NEGR1: variants seen among roughly 807,000 people sequenced by gnomAD.
The protein encoded by NEGR1 is IgLON family member 4.
A neutral mutation model predicts 40.9 loss-of-function variants in NEGR1; 10 were observed. The observed-to-expected ratio is 0.24, with a 90% CI of 0.15 to 0.42. The LOEUF (loss-of-function observed/expected upper bound fraction) is 0.42, where lower values mean the gene tolerates loss of function less well. Ranked by LOEUF, NEGR1 falls within the 10% of genes least tolerant of loss-of-function variation. NEGR1 has a pLI of 1.00. For missense variants in NEGR1, 352 were observed against 438.9 expected (o/e 0.80, Z 1.77); for synonymous variants, 185 against 166.8 (o/e 1.11, Z -0.84).
intron 1 of NEGR1, among the ~76,000 whole-genome samples, chr1:72,013,660 G>C (rs1471511568): frequency 6.6e-6 from 1 of 151,884 alleles, no homozygotes; most frequent in South Asian, 2.1e-4. Flanking sequence ...ATATTGGAAA[G>C]TATTAATTGA....
intron 1 of NEGR1, among the ~76,000 whole-genome samples, chr1:71,964,026 C>T (rs1032613352): frequency 2.0e-5 from 3 of 152,080 alleles, no homozygotes; most frequent in Non-Finnish European, 2.9e-5. Flanking sequence ...TTTCTGTCCT[C>T]AAAATATACC....
At chr1:71,937,969 T>G (rs1570529117) in intron 1 of NEGR1, among the ~76,000 whole-genome samples, 1 of 152,010 alleles carries the variant, frequency 6.6e-6, no homozygotes, top group South Asian at 2.1e-4. Flanking sequence ...TGGCATGACA[T>G]GGGCTGCCAC....
At chr1:71,853,994 C>T (rs1659687942) in intron 2 of NEGR1, among the ~76,000 whole-genome samples, 1 of 152,010 alleles carries the variant, frequency 6.6e-6, no homozygotes, top group Non-Finnish European at 1.5e-5. Flanking sequence ...AGAATAATTT[C>T]CAGGTGAAAT....
intron 6 of NEGR1, among the ~76,000 whole-genome samples, chr1:71,508,347 G>A (rs1647049809): frequency 6.6e-6 from 1 of 152,148 alleles, no homozygotes; most frequent in South Asian, 2.1e-4. Context: ...GAAAAAGACT[G>A]GTGGAAAGTG....
intron 1 of NEGR1, among the ~76,000 whole-genome samples, chr1:72,211,013 C>A (rs1360571937): frequency 6.6e-6 from 1 of 151,710 alleles, no homozygotes; most frequent in Admixed American, 6.6e-5. Flanking sequence ...AAATTATATA[C>A]AATAAACATG....
At chr1:72,104,910 T>C (rs561593753) in intron 1 of NEGR1, among the ~76,000 whole-genome samples, 2 of 152,286 alleles carry the variant, frequency 1.3e-5, no homozygotes, top group East Asian at 3.9e-4. Context: ...ACTGGACTTA[T>C]CAGAGTACAG....
chr1:71,940,629 TTAC>T (rs1438463026), intron 1 of NEGR1, among the ~76,000 whole-genome samples: 4 of 152,282 alleles, frequency 2.6e-5, no homozygotes, highest in Admixed American at 2.0e-4. Flanking sequence ...TTAAAGGATG[TTAC>T]TACGCATTAG....
chr1:71,841,880 C>T (rs1659254057), intron 2 of NEGR1, among the ~76,000 whole-genome samples: 1 of 152,036 alleles, frequency 6.6e-6, no homozygotes, highest in Non-Finnish European at 1.5e-5. Context: ...GACAGTAGTT[C>T]CCAATTATTG....
chr1:71,708,474 C>T (rs764744049), intron 3 of NEGR1, among the ~76,000 whole-genome samples: 1 of 152,014 alleles, frequency 6.6e-6, no homozygotes, highest in African/African-American at 2.4e-5. Flanking sequence ...ATACCAATAA[C>T]ATTCTTCACA....
intron 1 of NEGR1, among the ~76,000 whole-genome samples, chr1:72,096,469 C>A (rs1449979702): frequency 6.6e-6 from 1 of 151,886 alleles, no homozygotes; most frequent in Non-Finnish European, 1.5e-5. Context: ...GAAGGCAAAA[C>A]AAATGTAATC....
intron 1 of NEGR1, among the ~76,000 whole-genome samples, chr1:71,950,950 T>G (rs1646065317): frequency 6.6e-6 from 1 of 151,978 alleles, no homozygotes; most frequent in Non-Finnish European, 1.5e-5. Context: ...CACATTTTTC[T>G]TTTTGTTTTC....
In NEGR1 at chr1:71,740,912, C is replaced by T. The variant is rs368645655; in HGVS notation, c.535+35260G>A. ...GAGTTGACAAGAAAATATTGATTTTCAGGTATTATTTGGTCAGGCTCCTGC... is the reference window on the plus strand; with the variant it reads ...GAGTTGACAAGAAAATATTGATTTTTAGGTATTATTTGGTCAGGCTCCTGC... On this transcript the variant is annotated intron_variant, in intron 3 of 6. Coordinates refer to ENST00000357731, the MANE Select transcript of NEGR1 (RefSeq NM_173808.3). Among the ~76,000 whole-genome samples, 7 of 152,128 alleles carry T rather than the reference C, an allele frequency of 4.6e-5. No homozygotes were observed. The East Asian group carries it at 1.4e-3, about 29-fold the overall frequency.
intron 2 of NEGR1, among the ~76,000 whole-genome samples, chr1:71,831,769 A>AG (rs779241215): frequency 6.6e-6 from 1 of 150,400 alleles, no homozygotes; most frequent in African/African-American, 2.4e-5. Context: ...TTCTATAGAG[A>AG]GGAAAGACCA....
chr1:71,563,313 C>T (rs745832143), intron 6 of NEGR1, among the ~76,000 whole-genome samples: 8 of 151,860 alleles, frequency 5.3e-5, no homozygotes, highest in African/African-American at 9.7e-5. Flanking sequence ...GATAAATGGC[C>T]GGTGCATGAA....
Position 71,705,677 on chromosome 1 carries a change from G to A in NEGR1, c.536-7538C>T, listed in dbSNP as rs534722903. On this transcript the variant is annotated intron_variant, in intron 3 of 6. Transcript: ENST00000357731. ...AGAGCTTGCAACGAGCTGAGATCGC[G>A]CCACTGCACTCCAGCCTGGGCGACA... Among the ~76,000 whole-genome samples the A allele has an allele frequency of 1.1e-4, 17 of 151,654 alleles. No homozygotes were observed. In the South Asian group the frequency reaches 1.7e-3, roughly 15 times the overall value.
At chr1:72,272,061 A>G (rs899547112) in intron 1 of NEGR1, among the ~76,000 whole-genome samples, 3 of 151,896 alleles carry the variant, frequency 2.0e-5, no homozygotes, top group African/African-American at 7.2e-5. Flanking sequence ...ACAGAAAATT[A>G]TGGGTTTAGA....
chr1:72,101,397 C>T (rs1404623937), intron 1 of NEGR1, among the ~76,000 whole-genome samples: 1 of 152,076 alleles, frequency 6.6e-6, no homozygotes, highest in Non-Finnish European at 1.5e-5. Context: ...CAAAGGAATG[C>T]TTTTAAAATA....
intron 6 of NEGR1, among the ~76,000 whole-genome samples, chr1:71,451,599 G>A (rs1207479267): frequency 6.6e-6 from 1 of 152,086 alleles, no homozygotes; most frequent in Non-Finnish European, 1.5e-5. Flanking sequence ...GCCTCCCAAA[G>A]TGCTATGATT....
At chr1:71,527,275 A>C (rs946737517) in intron 6 of NEGR1, among the ~76,000 whole-genome samples, 1 of 149,328 alleles carries the variant, frequency 6.7e-6, no homozygotes, top group African/African-American at 2.5e-5. Flanking sequence ...GAACTGACAG[A>C]AACCACAGAA....
Sources: allele counts gnomAD v4.1 joint callset (sites outside exome capture counted in the v4.1 genomes callset), GRCh38; gene constraint gnomAD v4.1.1; transcripts MANE v1.5; gene names NCBI Gene and HGNC (gene_info 2026-07-23, HGNC 2026-07-21).